Variants in FAM20B observed in about 807,000 individuals in gnomAD.
The protein encoded by FAM20B is FAM20B glycosaminoglycan xylosylkinase, also known as glycosaminoglycan xylosylkinase.
A neutral mutation model predicts 43.8 loss-of-function variants in FAM20B; 23 were observed. The observed-to-expected ratio is 0.53, with a 90% CI of 0.38 to 0.74. The LOEUF (loss-of-function observed/expected upper bound fraction) is 0.74. Ranked by LOEUF, FAM20B falls within the 30% of genes least tolerant of loss-of-function variation. The pLI, the probability that FAM20B is intolerant of heterozygous loss-of-function variation, is 0.00. For missense variants in FAM20B, 440 were observed against 510.5 expected (o/e 0.86, Z 1.33); for synonymous variants, 178 against 192.4 (o/e 0.93, Z 0.62).
At position 179,073,778 on chromosome 1, in the gene FAM20B, C is replaced by A. The variant is rs1469870200; in HGVS notation, c.*1634C>A. On this transcript the variant is annotated 3_prime_UTR_variant, in exon 8 of 8. Transcript: ENST00000263733. Reference sequence around the variant, plus strand: ...TGCTTCTTTCTCCTCTTAGCACTCTCAAATTTCAGGTTTGTAAAACACAGT... The same window carrying A: ...TGCTTCTTTCTCCTCTTAGCACTCTAAAATTTCAGGTTTGTAAAACACAGT... 6.6e-6 allele frequency: 1 copy of A among 152,238 alleles called. No individual in the cohort carries two copies. The highest frequency in any genetic ancestry group is 1.9e-4 in the East Asian group (1 of 5,204). 9.4% of individuals were successfully genotyped at this position (152,238 alleles called of 1,614,324 possible). A position where few individuals can be genotyped will look rare whatever the true frequency, so the allele number is the denominator to read the frequency against.
chr1:179,070,121 C>G (rs1651852844), intron 7 of FAM20B, among the ~76,000 whole-genome samples: 1 of 152,116 alleles, frequency 6.6e-6, no homozygotes. Context: ...TCTTGGCTCA[C>G]TGCAACCTCC....
At chr1:179,035,371 C>T (rs1306555804) in intron 1 of FAM20B, 10 of 702,450 alleles carry the variant, frequency 1.4e-5, no homozygotes, top group East Asian at 1.4e-4. Flanking sequence ...TAGGGGTGTT[C>T]GGTCCTCGTG....
In FAM20B at chr1:179,043,927, A is replaced by G. The variant is rs779222538; in HGVS notation, c.80A>G (p.Asn27Ser). ...FIFTKVFLID[N>S]LDTSAANRED... ...TTCACCAAAGTTTTCCTGATTGACA[A>G]CTTAGATACATCAGCTGCCAACCGG... Residue 27 changes from asparagine to serine, a missense_variant, in exon 2 of 8, where the codon AAC becomes AGC. Coordinates refer to ENST00000263733, the MANE Select transcript of FAM20B (RefSeq NM_014864.4). 1.2e-6 allele frequency: 2 copies of G among 1,613,732 alleles called. No homozygotes were observed. The highest frequency in any genetic ancestry group is 2.2e-5 in the South Asian group (2 of 91,068).
chr1:179,071,920 G>A lies in FAM20B; in HGVS notation c.1006G>A (p.Val336Met), dbSNP rs749604881. The A allele has an allele frequency of 1.2e-6, 2 of 1,611,900 alleles. No homozygotes were observed. Among genetic ancestry groups the A allele is most frequent in the Non-Finnish European group, 1.7e-6 (2 of 1,178,272 alleles). Residue 336 changes from valine to methionine, a missense_variant, in exon 8 of 8, where the codon GTG becomes ATG. Physicochemically the swap from Val to Met is conservative, Grantham distance 21. Transcript: ENST00000263733. ...TATAACTTTTTCTCCCAGCATTCGG[G>A]TGTCCACCTGGAACAGACTGAACTA... ...APLYQCCIIR[V>M]STWNRLNYLK...
upstream of FAM20B, among the ~76,000 whole-genome samples, chr1:179,021,230 GA>G (rs1649601508): frequency 6.6e-6 from 1 of 152,120 alleles, no homozygotes. Context: ...GGGTCTCAAA[GA>G]GAAGTCTGAG....
At chr1:179,069,635 G>A (rs1440736265) in intron 7 of FAM20B, among the ~76,000 whole-genome samples, 1 of 152,154 alleles carries the variant, frequency 6.6e-6, no homozygotes, top group Admixed American at 6.5e-5. Flanking sequence ...GCCTCCCAAA[G>A]TGCTGGGATT....
At position 179,026,049 on chromosome 1, in the gene FAM20B, G is replaced by GCCGCACCGCA. The variant is rs1412441025; in HGVS notation, c.-178_-169dup. 1.4e-5 allele frequency: 2 copies of GCCGCACCGCA among 143,928 alleles called. No individual in the cohort carries two copies. The highest frequency in any genetic ancestry group is 5.0e-5 in the African/African-American group (2 of 40,034). The allele number at this position is 143,928 out of a possible 1,614,324, so 8.9% of individuals were successfully genotyped here. ...AGGCGGCGGGGGCGGCCGGGGCCGC[G>GCCGCACCGCA]CCGCACCGCACCGCGCGGGCGGCCA... is the stretch of plus-strand genomic sequence containing the variant. On this transcript the variant is annotated 5_prime_UTR_variant, in exon 1 of 8. Transcript: ENST00000263733.
intron 4 of FAM20B, among the ~76,000 whole-genome samples, chr1:179,055,022 T>C (rs1443099123): frequency 6.6e-6 from 1 of 152,222 alleles, no homozygotes; most frequent in Non-Finnish European, 1.5e-5. Context: ...CCTCAGGAAC[T>C]GTCTCCCATC....
intron 4 of FAM20B, among the ~76,000 whole-genome samples, chr1:179,061,032 G>T (rs1258860644): frequency 6.6e-6 from 1 of 151,126 alleles, no homozygotes; most frequent in Non-Finnish European, 1.5e-5. Context: ...CATCCCTAGG[G>T]CATATAGTCT....
chr1:179,027,550 A>G (rs1295982251), intron 1 of FAM20B, among the ~76,000 whole-genome samples: 3 of 152,256 alleles, frequency 2.0e-5, no homozygotes, highest in Non-Finnish European at 4.4e-5. Flanking sequence ...GAACCGTACA[A>G]TGGAATCAGT....
At chr1:179,053,169 C>T (rs1186078263) in intron 3 of FAM20B, among the ~76,000 whole-genome samples, 2 of 152,192 alleles carry the variant, frequency 1.3e-5, no homozygotes, top group Non-Finnish European at 2.9e-5. Context: ...TCTTGCCAGT[C>T]GCCCTGTCAC....
chr1:179,052,816 T>G (rs192588266), intron 3 of FAM20B, among the ~76,000 whole-genome samples: 1 of 152,328 alleles, frequency 6.6e-6, no homozygotes, highest in Admixed American at 6.5e-5. Flanking sequence ...AGACCTTATC[T>G]GTTTGCCTCT....
chr1:179,024,333 G>A (rs954354666), upstream of FAM20B, among the ~76,000 whole-genome samples: 6 of 152,194 alleles, frequency 3.9e-5, no homozygotes, highest in Non-Finnish European at 5.9e-5. Flanking sequence ...GACAGTTGGA[G>A]CGTTCACCCT....
At chr1:179,035,756 T>A (rs1650199237) in intron 1 of FAM20B, 1 of 288,488 alleles carries the variant, frequency 3.5e-6, no homozygotes, top group Non-Finnish European at 6.7e-6. Flanking sequence ...AACAACTTCA[T>A]AGTCTTACGT....
Position 179,075,916 on chromosome 1 carries a change from A to T in FAM20B, c.*3772A>T, listed in dbSNP as rs986087571. The stretch of plus-strand genomic sequence containing the variant: ...AACAGCATCATCAGTAAGCTATCTT[A>T]TATGCCTCATCCTGTGAGTTTGAGC... On this transcript the variant is annotated 3_prime_UTR_variant, in exon 8 of 8. Transcript: ENST00000263733. 1 of 152,178 alleles carries T rather than the reference A, an allele frequency of 6.6e-6. No individual in the cohort carries two copies. Among genetic ancestry groups the T allele is most frequent in the Non-Finnish European group, 1.5e-5 (1 of 68,046 alleles). The allele number at this position is 152,178 out of a possible 1,614,324, so 9.4% of individuals were successfully genotyped here.
chr1:179,043,600 G>T, intron 1 of FAM20B, 115 bp from the exon 2 acceptor site: 2 of 415,762 alleles, frequency 4.8e-6, no homozygotes, highest in South Asian at 5.7e-5. Flanking sequence ...GAACCTTCTT[G>T]AGCTCAAGAA....
intron 1 of FAM20B, among the ~76,000 whole-genome samples, chr1:179,030,259 C>G (rs1254071839): frequency 1.3e-5 from 2 of 150,852 alleles, no homozygotes; most frequent in African/African-American, 2.4e-5. Flanking sequence ...AGATAGTGAA[C>G]GTGTGCTCTG....
rs373015864 is a variant in FAM20B, at chr1:179,066,828, A to C, written c.967A>C (p.Ser323Arg). ...TGGGAACCCCTCGCTGGATGAAAGA[A>C]GCATTCTTGCCCCTCTCTATCAGTG... is the stretch of plus-strand genomic sequence containing the variant. Reference protein sequence around the residue: ...SFGNPSLDERSILAPLYQCCI... With the variant: ...SFGNPSLDERRILAPLYQCCI... The change falls in exon 7 of 8, where the codon AGC becomes CGC. Residue 323 changes from serine (S) to arginine (R), a missense_variant. Coordinates refer to ENST00000263733, the MANE Select transcript of FAM20B (RefSeq NM_014864.4). The C allele has an allele frequency of 6.2e-7, 1 of 1,613,232 alleles. No homozygotes were observed. Among genetic ancestry groups the C allele is most frequent in the Non-Finnish European group, 8.5e-7 (1 of 1,179,138 alleles).
chr1:179,033,364 C>A (rs925221788), intron 1 of FAM20B, among the ~76,000 whole-genome samples: 3 of 152,090 alleles, frequency 2.0e-5, no homozygotes, highest in African/African-American at 7.2e-5. Flanking sequence ...TAAATATATA[C>A]AATGAAAACA....
Sources: allele counts gnomAD v4.1 joint callset (sites outside exome capture counted in the v4.1 genomes callset), GRCh38; gene constraint gnomAD v4.1.1; transcripts MANE v1.5; gene names NCBI Gene and HGNC (gene_info 2026-07-23, HGNC 2026-07-21).